Variants in FBN3 observed in about 807,000 individuals in gnomAD.
FBN3 encodes fibrillin 3, also known as fibrillin-3.
FBN3 carries 234 observed loss-of-function variants against 330.1 expected under a neutral mutation model. That is an observed-to-expected ratio of 0.71 (90% CI 0.64 to 0.79). FBN3 has a LOEUF of 0.79. Among genes scored for constraint, FBN3 ranks in the 30% least tolerant of loss-of-function variants. The pLI, the probability that FBN3 is intolerant of heterozygous loss-of-function variation, is 0.00. For missense variants in FBN3, 3,606 were observed against 3,886.9 expected (o/e 0.93, Z 1.92); for synonymous variants, 1,458 against 1,517.3 (o/e 0.96, Z 0.91).
At chr19:8,100,718 T>C (rs565805685) in intron 41 of FBN3, among the ~76,000 whole-genome samples, 183 bp downstream of exon 41, 2 of 152,324 alleles carry the variant, frequency 1.3e-5, no homozygotes, top group Non-Finnish European at 2.9e-5. Context: ...AGTGTCATTC[T>C]TTTTTTAAAA....
chr19:8,142,044 G>T lies in FBN3; in HGVS notation c.635C>A (p.Ala212Asp). Residue 212 changes from alanine (A) to aspartate (D), a missense_variant, in exon 7 of 64, where the codon GCC becomes GAC. Coordinates refer to ENST00000600128, the MANE Select transcript of FBN3 (RefSeq NM_032447.5). ...AAGGCCCCAGGCACGGCCCACAGTG[G>T]CACAGCAAAGTGCCTTGGTGCACAC... The part of the protein sequence containing the change: ...GLVCTKALCC[A>D]TVGRAWGLPC... 1.2e-6 allele frequency: 2 copies of T among 1,614,154 alleles called. No homozygotes were observed. The highest frequency in any genetic ancestry group is 1.7e-6 in the Non-Finnish European group (2 of 1,180,014).
chr19:8,111,157 C>T lies in FBN3; in HGVS notation c.4111G>A (p.Asp1371Asn). 6.2e-7 allele frequency: 1 copy of T among 1,609,806 alleles called. No individual in the cohort carries two copies. The highest frequency in any genetic ancestry group is 8.5e-7 in the Non-Finnish European group (1 of 1,177,788). Residue 1371 changes from aspartate (D) to asparagine (N), a missense_variant, in exon 33 of 64, where the codon GAC becomes AAC. Coordinates refer to ENST00000600128, the MANE Select transcript of FBN3 (RefSeq NM_032447.5). ...AGGCACTGCCCGTTGTCACAGAGGT[C>T]CACGTTCTCGGCACATTCATCCCTG... ...EDRDECAENV[D>N]LCDNGQCLNA...
rs1269563333 is a variant in FBN3, at chr19:8,149,010, G to C, written c.-18+439C>G. On this transcript the variant is annotated intron_variant, in intron 1 of 63. Coordinates refer to ENST00000600128, the MANE Select transcript of FBN3 (RefSeq NM_032447.5). This position sits in a 1 kb window ranked among gnomAD's most constrained non-coding sequence, Gnocchi z 5.5. ...GCCTCGGTCCCCCCTACACACCGCT[G>C]CTTCTGCGAGCCACACCCTGGAGTT... is the stretch of plus-strand genomic sequence containing the variant. 6.6e-6 allele frequency: 1 copy of C among 152,402 alleles called. No individual in the cohort carries two copies. The highest frequency in any genetic ancestry group is 6.5e-5 in the Admixed American group (1 of 15,290). 9.4% of individuals were successfully genotyped at this position (152,402 alleles called of 1,614,324 possible).
intron 37 of FBN3, among the ~76,000 whole-genome samples, chr19:8,106,624 G>A (rs1392871086): frequency 6.6e-6 from 1 of 151,970 alleles, no homozygotes; most frequent in Non-Finnish European, 1.5e-5. Flanking sequence ...ACAGTGGATG[G>A]GTAAATAAGC....
chr19:8,096,316 T>C lies in FBN3; in HGVS notation c.5539+128A>G, dbSNP rs2082207324. ...GCAGATCAACCATTTACCCAAGATC[T>C]TAATCTCAGGACCCAAACTTGGATC... is the stretch of plus-strand genomic sequence containing the variant. On this transcript the variant is annotated intron_variant, in intron 44 of 63. Transcript: ENST00000600128. The surrounding 1 kb of genome is among the most constrained non-coding windows in gnomAD (Gnocchi z 4.6). 10 of 1,224,400 alleles carry C rather than the reference T, an allele frequency of 8.2e-6. No individual in the cohort carries two copies. In the South Asian group the frequency reaches 1.5e-4, roughly 18 times the overall value. The allele number at this position is 1,224,400 out of a possible 1,614,324, so 75.8% of individuals were successfully genotyped here.
At chr19:8,117,047 G>A (rs2082721039) in intron 28 of FBN3, 122 bp downstream of exon 28, 3 of 1,431,956 alleles carry the variant, frequency 2.1e-6, no homozygotes, top group Admixed American at 2.2e-5. Context: ...GCCAGGCAGG[G>A]GGTGCCTCGG....
At chr19:8,087,598 ATTTT>A (rs35631767) in intron 53 of FBN3, among the ~76,000 whole-genome samples, 7,852 of 75,776 alleles carry the variant, frequency 0.1, 291 homozygotes, top group South Asian at 0.13. Context: ...GCATTGCAGG[ATTTT>A]TTTTTTTTTT....
At chr19:8,145,007 C>G in intron 5 of FBN3, 35 bp from the exon 6 acceptor site, 1 of 1,559,736 alleles carries the variant, frequency 6.4e-7, no homozygotes, top group East Asian at 2.3e-5. Context: ...TGGAGGTCCC[C>G]CAGCAGCAGA....
rs1462505665 is a variant in FBN3 at position 8,087,200 on chromosome 19, A to G, written c.6631T>C (p.Cys2211Arg). The part of the protein sequence containing the change: ...DGAMCRDVDE[C>R]ADGQQDCHAR... ...TGGCAGTCCTGCTGACCATCTGCACACTCGTCCACATCTTCGGATGACCAG... is the reference window on the plus strand; with the variant it reads ...TGGCAGTCCTGCTGACCATCTGCACGCTCGTCCACATCTTCGGATGACCAG... Residue 2211 changes from cysteine to arginine, a missense_variant, in exon 54 of 64, where the codon TGT becomes CGT. Transcript: ENST00000600128. 4 of 1,595,116 alleles carry G rather than the reference A, an allele frequency of 2.5e-6. No individual in the cohort carries two copies. The highest frequency in any genetic ancestry group is 3.4e-6 in the Non-Finnish European group (4 of 1,172,496).
chr19:8,071,041 T>C (rs73005503), intron 63 of FBN3, among the ~76,000 whole-genome samples: 18,678 of 135,900 alleles, frequency 0.14, 1,411 homozygotes, highest in Non-Finnish European at 0.19. Context: ...AAAAAAAAAA[T>C]AGTGGCATCT....
At chr19:8,089,413 G>T in intron 51 of FBN3, 132 bp downstream of exon 51, 1 of 958,234 alleles carries the variant, frequency 1.0e-6, no homozygotes. Context: ...GAGAAAAAGT[G>T]AATGGGGGAG....
In FBN3 at chr19:8,075,115, C is replaced by T. The variant is rs2081609112; in HGVS notation, c.7658G>A (p.Cys2553Tyr). The change falls in exon 61 of 64, where the codon TGC becomes TAC. Residue 2553 changes from cysteine to tyrosine, a missense_variant. Physicochemically the swap from Cys to Tyr is radical, Grantham distance 194. Transcript: ENST00000600128. ...GGAGTGCTGGGTGAAACCCTGGGGG[C>T]AGCTGCAGCGGTAGCCCCCTAGCTG... ...QNQLGGYRCSCPQGFTQHSQW... is the reference protein window; with the variant it reads ...QNQLGGYRCSYPQGFTQHSQW... The T allele has an allele frequency of 1.3e-6, 2 of 1,592,754 alleles. No individual in the cohort carries two copies. The highest frequency in any genetic ancestry group is 1.7e-6 in the Non-Finnish European group (2 of 1,169,348).
chr19:8,147,148 C>T lies in FBN3; in HGVS notation c.206G>A (p.Cys69Tyr). 6.4e-7 allele frequency: 1 copy of T among 1,573,046 alleles called. No homozygotes were observed. Among genetic ancestry groups the T allele is most frequent in the South Asian group, 1.2e-5 (1 of 85,676 alleles). Reference protein sequence around the residue: ...VCGSRFHAYCCPGWRTFPGRS... With the variant: ...VCGSRFHAYCYPGWRTFPGRS... ...GCCAGGGAATGTCCTCCAGCCTGGA[C>T]AGCAGTAGGCATGGAACCGGGAGCC... The change falls in exon 3 of 64, where the codon TGT becomes TAT. Residue 69 changes from cysteine (C) to tyrosine (Y), a missense_variant. By Grantham distance (194) the Cys-to-Tyr change is radical. Transcript: ENST00000600128.
chr19:8,066,804 G>A (rs982588307), intron 63 of FBN3, among the ~76,000 whole-genome samples: 4 of 152,022 alleles, frequency 2.6e-5, no homozygotes, highest in African/African-American at 7.2e-5. Flanking sequence ...GCTTGAACCC[G>A]GGAGGTGGAG....
At chr19:8,098,164 T>G (rs1273521886) in intron 41 of FBN3, among the ~76,000 whole-genome samples, 2 of 152,264 alleles carry the variant, frequency 1.3e-5, no homozygotes, top group Non-Finnish European at 2.9e-5. Context: ...AAAGCTGTTA[T>G]ATATAAACAA....
rs1382429731 is a variant in FBN3, at chr19:8,087,089, C to T, written c.6742G>A (p.Glu2248Lys). 4 of 1,608,910 alleles carry T rather than the reference C, an allele frequency of 2.5e-6. No individual in the cohort carries two copies. The highest frequency in any genetic ancestry group is 2.5e-6 in the Non-Finnish European group (3 of 1,179,322). ...CAGTGCCCCATACCTGTGCAGCCCT[C>T]CCCAGAGCCAGGCAGGGGCCGCATG... Reference protein sequence around the residue: ...PGMRPLPGSGEGCTDDNECHA... With the variant: ...PGMRPLPGSGKGCTDDNECHA... Residue 2248 changes from glutamate (E) to lysine (K), a missense_variant, in exon 54 of 64, where the codon GAG becomes AAG. Glu to Lys is a moderately conservative substitution (Grantham distance 56, BLOSUM62 1). Transcript: ENST00000600128.
chr19:8,135,492 G>C (rs1230057512), intron 13 of FBN3, among the ~76,000 whole-genome samples: 1 of 80,776 alleles, frequency 1.2e-5, no homozygotes, highest in Non-Finnish European at 2.3e-5. Context: ...TGGTCAGGCT[G>C]GTCTCGAACT....
At chr19:8,132,429 C>A (rs901296098) in intron 14 of FBN3, among the ~76,000 whole-genome samples, 21 of 152,052 alleles carry the variant, frequency 1.4e-4, no homozygotes, top group African/African-American at 5.1e-4. Flanking sequence ...GATCCTCTAA[C>A]CTCAGCCTCC....
In FBN3 at chr19:8,075,192, T is replaced by C; in HGVS notation, c.7583-2A>G. On this transcript the variant is annotated splice_acceptor_variant, in intron 60 of 63. Coordinates refer to ENST00000600128, the MANE Select transcript of FBN3 (RefSeq NM_032447.5). LOFTEE classifies it high-confidence loss of function. ...GGGGCCCATCACATTCATTCACATCTGAGACATAGAGAGAGGGAGAGAGGG... is the reference window on the plus strand; with the variant it reads ...GGGGCCCATCACATTCATTCACATCCGAGACATAGAGAGAGGGAGAGAGGG... 4 of 1,569,510 alleles carry C rather than the reference T, an allele frequency of 2.5e-6. No homozygotes were observed. Among genetic ancestry groups the C allele is most frequent in the Non-Finnish European group, 2.6e-6 (3 of 1,154,078 alleles).
Sources: gnomAD v4.1 joint callset for allele counts (sites outside exome capture counted in the v4.1 genomes callset) on GRCh38, gnomAD v4.1.1 for gene constraint, Gnocchi (gnomAD v3.1) non-coding constraint, MANE v1.5 for transcripts, NCBI Gene and HGNC (gene_info 2026-07-23, HGNC 2026-07-21) for gene names.